Variants in PEMT observed in about 807,000 individuals in gnomAD.
PEMT encodes phosphatidylethanolamine N-methyltransferase.
In PEMT, 23 loss-of-function variants were observed where a neutral mutation model predicts 27.4. The observed-to-expected ratio is 0.84, with a 90% CI of 0.60 to 1.19. PEMT has a LOEUF of 1.19. Ranked by LOEUF, PEMT falls within the 50% of genes most tolerant of loss-of-function variation. The pLI, the probability that PEMT is intolerant of heterozygous loss-of-function variation, is 0.00. For missense variants in PEMT, 307 were observed against 310.1 expected, an observed-to-expected ratio of 0.99 and a Z score of 0.07; for synonymous variants, 137 against 139.1, an observed-to-expected ratio of 0.98 and a Z score of 0.11.
At chr17:17,543,670 C>G (rs1215531953) in intron 2 of PEMT, among the ~76,000 whole-genome samples, 4 of 152,128 alleles carry the variant, frequency 2.6e-5, no homozygotes, top group Non-Finnish European at 4.4e-5. Flanking sequence ...TCAAGTGATT[C>G]TCCTGCCTCA....
chr17:17,509,631 G>A, intron 4 of PEMT, 86 bp from the exon 5 acceptor site: 1 of 915,372 alleles, frequency 1.1e-6, no homozygotes. Flanking sequence ...GCGGGCTGTG[G>A]CGAGACCTGC....
At chr17:17,581,949 C>A (rs1165845488) in intron 1 of PEMT, among the ~76,000 whole-genome samples, 1 of 152,136 alleles carries the variant, frequency 6.6e-6, no homozygotes, top group Non-Finnish European at 1.5e-5. Flanking sequence ...ATTTCCAAAA[C>A]CCCCCTCAGG....
intron 2 of PEMT, among the ~76,000 whole-genome samples, chr17:17,541,270 G>T (rs4646387): frequency 0.49 from 73,949 of 152,072 alleles, 18,270 homozygotes; most frequent in Non-Finnish European, 0.54. Context: ...CGCACGGACA[G>T]GTGCGGTGGT....
chr17:17,519,985 G>A (rs1464098214), intron 3 of PEMT, among the ~76,000 whole-genome samples: 2 of 152,196 alleles, frequency 1.3e-5, no homozygotes, highest in South Asian at 4.1e-4. Context: ...CGGCCCTGAT[G>A]GTGGTCCCGG....
In PEMT at chr17:17,582,118, G is replaced by A. The variant is rs893308321; in HGVS notation, c.97-5091C>T. The A allele has an allele frequency of 7.2e-5, 18 of 250,984 alleles. 1 individual carries two copies. The highest frequency in any genetic ancestry group is 4.1e-4 in the African/African-American group (18 of 43,380). The allele number at this position is 250,984 out of a possible 1,614,324, so 15.5% of individuals were successfully genotyped here. On this transcript the variant is annotated intron_variant, in intron 1 of 6. Coordinates refer to ENST00000255389, the MANE Select transcript of PEMT (RefSeq NM_148172.3). The surrounding 1 kb of genome is among the most constrained non-coding windows in gnomAD (Gnocchi z 4.9). ...CTCCCCTTCACACCTGTGACCAAAGGGCGGTCTCCCATCCACTCCCAGCCC... is the reference window on the plus strand; with the variant it reads ...CTCCCCTTCACACCTGTGACCAAAGAGCGGTCTCCCATCCACTCCCAGCCC...
At chr17:17,573,241 T>C (rs1220205945) in intron 2 of PEMT, among the ~76,000 whole-genome samples, 1 of 148,616 alleles carries the variant, frequency 6.7e-6, no homozygotes, top group Non-Finnish European at 1.5e-5. Context: ...TCCCAGCACT[T>C]TGGGAGGCCG....
chr17:17,506,182 G>T (rs1338634197), intron 6 of PEMT, 45 bp downstream of exon 6: 8 of 1,421,120 alleles, frequency 5.6e-6, no homozygotes, highest in Non-Finnish European at 7.8e-6. Flanking sequence ...GAGAGACAGG[G>T]CCAGTCGGGC....
At chr17:17,570,464 T>C (rs933724708) in intron 2 of PEMT, 2 of 969,556 alleles carry the variant, frequency 2.1e-6, no homozygotes, top group African/African-American at 1.8e-5. Flanking sequence ...GCCGGGGACA[T>C]TGCTGGACAC....
intron 4 of PEMT, among the ~76,000 whole-genome samples, chr17:17,509,888 G>A (rs1006557205): frequency 6.6e-6 from 1 of 152,176 alleles, no homozygotes; most frequent in Non-Finnish European, 1.5e-5. Flanking sequence ...TCTCTGTACA[G>A]AGAGCGCCTT....
intron 1 of PEMT, among the ~76,000 whole-genome samples, chr17:17,581,188 C>T (rs1043051924): frequency 2.6e-5 from 4 of 152,192 alleles, no homozygotes; most frequent in Non-Finnish European, 4.4e-5. Flanking sequence ...CCCCACTGGG[C>T]CCTGGGGGAA....
At chr17:17,537,914 T>G (rs1299755712) in intron 2 of PEMT, among the ~76,000 whole-genome samples, 1 of 152,212 alleles carries the variant, frequency 6.6e-6, no homozygotes, top group Non-Finnish European at 1.5e-5. Flanking sequence ...CAGTTGTGAC[T>G]TGGGTGGGAC....
chr17:17,576,860 T>A, intron 2 of PEMT, 60 bp downstream of exon 2: 2 of 1,356,698 alleles, frequency 1.5e-6, no homozygotes, highest in Non-Finnish European at 2.1e-6. Context: ...ATCCCCTGCA[T>A]GTGGGGCTCA....
intron 3 of PEMT, among the ~76,000 whole-genome samples, chr17:17,514,984 A>T (rs12103816): frequency 0.032 from 4,862 of 152,302 alleles, 240 homozygotes; most frequent in African/African-American, 0.11. Context: ...GGGAAGGTGC[A>T]GGCCTCGGCC....
chr17:17,509,388 C>T (rs369477471), intron 5 of PEMT, 46 bp downstream of exon 5: 102 of 1,283,970 alleles, frequency 7.9e-5, no homozygotes, highest in African/African-American at 7.2e-4. Flanking sequence ...AGCTCCTCTC[C>T]GGGAGGTGGC....
chr17:17,553,281 C>T (rs1014198485), intron 2 of PEMT, among the ~76,000 whole-genome samples: 2 of 152,204 alleles, frequency 1.3e-5, no homozygotes, highest in African/African-American at 4.8e-5. Context: ...GAAGGCGTCC[C>T]ACCTCACCGT....
chr17:17,529,874 A>C (rs1409088727), intron 2 of PEMT, among the ~76,000 whole-genome samples: 3 of 152,218 alleles, frequency 2.0e-5, no homozygotes, highest in Non-Finnish European at 4.4e-5. Context: ...GAGGGGCTGA[A>C]TGAACTGCGC....
At chr17:17,518,514 A>G (rs902530943) in intron 3 of PEMT, among the ~76,000 whole-genome samples, 1 of 152,240 alleles carries the variant, frequency 6.6e-6, no homozygotes, top group East Asian at 1.9e-4. Flanking sequence ...CTGCTTCCAG[A>G]TAACAGTGGC....
intron 3 of PEMT, among the ~76,000 whole-genome samples, chr17:17,515,755 G>T (rs1207349854): frequency 6.6e-6 from 1 of 152,202 alleles, no homozygotes; most frequent in Non-Finnish European, 1.5e-5. Context: ...GTGACCACAA[G>T]CTCCCTAACA....
intron 1 of PEMT, among the ~76,000 whole-genome samples, chr17:17,584,304 C>T (rs1427627891): frequency 2.6e-5 from 4 of 152,114 alleles, no homozygotes; most frequent in East Asian, 1.9e-4. Flanking sequence ...GGACTACAGG[C>T]GCCCGCCACC....
Sources: allele counts gnomAD v4.1 joint callset (sites outside exome capture counted in the v4.1 genomes callset), GRCh38; gene constraint gnomAD v4.1.1; non-coding constraint Gnocchi (gnomAD v3.1); transcripts MANE v1.5; gene names NCBI Gene and HGNC (gene_info 2026-07-23, HGNC 2026-07-21).